BICC1: variants seen among roughly 807,000 people sequenced by gnomAD.
BICC1 encodes BicC family RNA binding protein 1, also known as protein bicaudal C homolog 1.
A neutral mutation model predicts 111.0 loss-of-function variants in BICC1; 43 were observed. That is an observed-to-expected ratio of 0.39 (90% CI 0.30 to 0.50). BICC1 has a LOEUF of 0.50. BICC1 is among the 20% of genes least tolerant of loss of function. The pLI, the probability that BICC1 is intolerant of heterozygous loss-of-function variation, is 0.88. For missense variants in BICC1, 1,091 were observed against 1,203.2 expected, an observed-to-expected ratio of 0.91 and a Z score of 1.38; for synonymous variants, 467 against 434.4, an observed-to-expected ratio of 1.07 and a Z score of -0.93.
At chr10:58,718,449 A>G (rs534087191) in intron 3 of BICC1, among the ~76,000 whole-genome samples, 1 of 152,300 alleles carries the variant, frequency 6.6e-6, no homozygotes, top group South Asian at 2.1e-4. Context: ...GGGCATATAA[A>G]CATTCAGACT....
chr10:58,634,829 G>A (rs571407412), intron 2 of BICC1, among the ~76,000 whole-genome samples: 12 of 152,224 alleles, frequency 7.9e-5, no homozygotes, highest in African/African-American at 2.2e-4. Context: ...ATGGTATAAC[G>A]TATTCTTACA....
intron 2 of BICC1, among the ~76,000 whole-genome samples, chr10:58,652,377 T>C (rs1838477337): frequency 6.6e-6 from 1 of 152,160 alleles, no homozygotes; most frequent in Non-Finnish European, 1.5e-5. Flanking sequence ...GCACAGTGTC[T>C]GGGGCTCTAG....
intron 1 of BICC1, 48 bp downstream of exon 1, chr10:58,513,381 C>A (rs1842148864): frequency 6.7e-7 from 1 of 1,498,378 alleles, no homozygotes. Context: ...CCTCTAACTC[C>A]TTTTCGGACA....
intron 3 of BICC1, among the ~76,000 whole-genome samples, chr10:58,743,605 C>T (rs886843863): frequency 2.0e-5 from 3 of 151,902 alleles, no homozygotes; most frequent in African/African-American, 7.3e-5. Context: ...CACCAAACAT[C>T]TCAGTTATGG....
chr10:58,784,938 T>A, intron 3 of BICC1, 63 bp from the exon 4 acceptor site: 1 of 893,716 alleles, frequency 1.1e-6, no homozygotes, highest in Non-Finnish European at 1.7e-6. Flanking sequence ...AAAACAGAGT[T>A]TTTAAAACAA....
chr10:58,666,795 T>C (rs1301479292), intron 2 of BICC1, among the ~76,000 whole-genome samples: 2 of 152,168 alleles, frequency 1.3e-5, no homozygotes, highest in African/African-American at 4.8e-5. Flanking sequence ...CCACCATGCA[T>C]AGTAGCCATT....
intron 2 of BICC1, among the ~76,000 whole-genome samples, chr10:58,700,315 A>T (rs896308845): frequency 3.4e-4 from 51 of 152,216 alleles, no homozygotes; most frequent in African/African-American, 1.1e-3. Flanking sequence ...AAGAGATAAT[A>T]GTGAATGCAG....
intron 1 of BICC1, among the ~76,000 whole-genome samples, chr10:58,530,122 C>T (rs939728853): frequency 6.6e-6 from 1 of 151,516 alleles, no homozygotes. Context: ...AGAGAGGAAA[C>T]GTATCTGTAT....
intron 2 of BICC1, among the ~76,000 whole-genome samples, chr10:58,676,035 G>A (rs1447986229): frequency 6.6e-6 from 1 of 152,132 alleles, no homozygotes; most frequent in South Asian, 2.1e-4. Context: ...GCAAGGGGTT[G>A]GGGAACTCCC....
intron 1 of BICC1, among the ~76,000 whole-genome samples, chr10:58,547,912 A>G (rs1415724551): frequency 1.3e-5 from 2 of 152,078 alleles, no homozygotes; most frequent in Admixed American, 6.6e-5. Flanking sequence ...GCTAGAATCA[A>G]TGATTTTTTC....
chr10:58,553,769 A>C (rs937137149), intron 1 of BICC1, among the ~76,000 whole-genome samples: 1 of 151,922 alleles, frequency 6.6e-6, no homozygotes, highest in East Asian at 1.9e-4. Flanking sequence ...CATCAAGCAG[A>C]TTTTAATGCT....
chr10:58,586,634 A>AC (rs1564499145), intron 1 of BICC1, among the ~76,000 whole-genome samples: 6 of 2,736 alleles, frequency 2.2e-3, no homozygotes, highest in Non-Finnish European at 4.0e-3. Context: ...AAAAAAAAAC[A>AC]AAAAAAAACC....
intron 3 of BICC1, among the ~76,000 whole-genome samples, chr10:58,778,543 A>G (rs1842805612): frequency 6.6e-6 from 1 of 152,204 alleles, no homozygotes; most frequent in East Asian, 1.9e-4. Flanking sequence ...TTTACTGTTA[A>G]GTGGAAGTGG....
Position 58,789,400 on chromosome 10 carries a change from A to T in BICC1, c.739A>T (p.Met247Leu). The T allele has an allele frequency of 6.2e-7, 1 of 1,614,110 alleles. No individual in the cohort carries two copies. Among genetic ancestry groups the T allele is most frequent in the Non-Finnish European group, 8.5e-7 (1 of 1,179,990 alleles). ...ISVSFKQRSR[M>L]YGATVIVRGS... ...AGTATCATTTAAACAGCGTTCCCGA[A>T]TGTATGGTGCTACTGTCATAGTACG... Residue 247 changes from methionine to leucine, a missense_variant, in exon 7 of 21, where the codon ATG becomes TTG. Coordinates refer to ENST00000373886, the MANE Select transcript of BICC1 (RefSeq NM_001080512.3).
intron 1 of BICC1, among the ~76,000 whole-genome samples, chr10:58,555,488 A>G (rs1564486127): frequency 6.6e-6 from 1 of 152,072 alleles, no homozygotes; most frequent in Non-Finnish European, 1.5e-5. Context: ...CTGATTATCA[A>G]GATCAAAAAA....
chr10:58,586,903 G>A (rs748047538), intron 1 of BICC1, among the ~76,000 whole-genome samples: 18 of 152,114 alleles, frequency 1.2e-4, no homozygotes, highest in Non-Finnish European at 2.2e-4. Context: ...TTATGAACTT[G>A]TAGCCAGGTT....
At chr10:58,644,485 C>T (rs1588965552) in intron 2 of BICC1, among the ~76,000 whole-genome samples, 2 of 152,250 alleles carry the variant, frequency 1.3e-5, no homozygotes, top group East Asian at 1.9e-4. Context: ...AAACAGAACT[C>T]CACCCGTCCC....
intron 1 of BICC1, among the ~76,000 whole-genome samples, chr10:58,514,779 A>G (rs902826459): frequency 6.6e-6 from 1 of 152,174 alleles, no homozygotes; most frequent in South Asian, 2.1e-4. Flanking sequence ...TTAAAGCCCC[A>G]GTTGCATTTC....
intron 3 of BICC1, among the ~76,000 whole-genome samples, chr10:58,739,043 G>A (rs1051485422): frequency 1.3e-5 from 2 of 152,082 alleles, no homozygotes; most frequent in Non-Finnish European, 2.9e-5. Context: ...GGGACAATTT[G>A]ACTTCCTCTT....
Sources: allele counts gnomAD v4.1 joint callset (sites outside exome capture counted in the v4.1 genomes callset), GRCh38; gene constraint gnomAD v4.1.1; transcripts MANE v1.5; gene names NCBI Gene and HGNC (gene_info 2026-07-23, HGNC 2026-07-21).